ZNF451: variants seen among roughly 807,000 people sequenced by gnomAD.
ZNF451 encodes the protein E3 SUMO-protein ligase ZNF451.
ZNF451 carries 80 observed loss-of-function variants against 107.1 expected under a neutral mutation model. That is an observed-to-expected ratio of 0.75 (90% CI 0.62 to 0.90). ZNF451 has a LOEUF of 0.90. Among genes scored for constraint, ZNF451 ranks in the 40% least tolerant of loss-of-function variants. The pLI, the probability that ZNF451 is intolerant of heterozygous loss-of-function variation, is 0.00. For synonymous variants in ZNF451, 362 were observed against 406.5 expected (o/e 0.89, Z 1.32); for missense variants, 1,107 against 1,236.2 (o/e 0.90, Z 1.57).
At chr6:57,112,908 A>T (rs1193715360) in intron 3 of ZNF451, among the ~76,000 whole-genome samples, 5 of 152,196 alleles carry the variant, frequency 3.3e-5, no homozygotes, top group East Asian at 3.8e-4. Flanking sequence ...TCATTTCTTT[A>T]TCATTAAAAA....
chr6:57,107,559 A>G, intron 3 of ZNF451: 1 of 984,902 alleles, frequency 1.0e-6, no homozygotes, highest in Non-Finnish European at 1.2e-6. Flanking sequence ...GTATCTTATA[A>G]AAATTTTGAA....
intron 7 of ZNF451, among the ~76,000 whole-genome samples, chr6:57,139,519 C>G (rs897903664): frequency 6.6e-6 from 1 of 152,046 alleles, no homozygotes; most frequent in Non-Finnish European, 1.5e-5. Context: ...ACTGATGGTT[C>G]TAGTGTTAAT....
intron 2 of ZNF451, chr6:57,092,901 CCT>C (rs1174601446): frequency 1.3e-5 from 2 of 151,784 alleles, no homozygotes; most frequent in African/African-American, 2.4e-5. Context: ...AAAAATGGGC[CCT>C]CTCATTTAAA....
chr6:57,160,657 G>A (rs1238115523), intron 13 of ZNF451, among the ~76,000 whole-genome samples: 1 of 152,022 alleles, frequency 6.6e-6, no homozygotes, highest in East Asian at 1.9e-4. Flanking sequence ...TTCTACCCCA[G>A]GACCTCTTGG....
rs1463852285 is a variant in ZNF451, at chr6:57,142,017, A to G, written c.926A>G (p.Lys309Arg). The change falls in exon 9 of 15, where the codon AAA becomes AGA. Residue 309 changes from lysine to arginine, a missense_variant. Around this residue, in one of 5 missense-constraint regions of ZNF451, gnomAD observed 339 missense variants for 372.8 expected, o/e 0.91. Transcript: ENST00000370706. ...FAKKLLISLC[K>R]DVPFQVKCVA... ...AAGAAACTTTTGATCTCTCTGTGCA[A>G]AGATGTTCCCTTTCAAGTTAAGTGT... 6.2e-7 allele frequency: 1 copy of G among 1,614,140 alleles called. No individual in the cohort carries two copies. Among genetic ancestry groups the G allele is most frequent in the Admixed American group, 1.7e-5 (1 of 60,024 alleles).
At chr6:57,154,386 G>A (rs7771328) in intron 13 of ZNF451, 41,236 of 430,912 alleles carry the variant, frequency 0.096, 2,419 homozygotes, top group African/African-American at 0.18. Context: ...GAAATTCCAA[G>A]TTGACCTTCA....
At chr6:57,142,119 A>G (rs770449040) in intron 9 of ZNF451, 24 bp downstream of exon 9, 1 of 1,584,336 alleles carries the variant, frequency 6.3e-7, no homozygotes, top group East Asian at 2.3e-5. Context: ...TGGAGCTGTA[A>G]AGGAATACGG....
chr6:57,129,787 C>T (rs1274756411), intron 5 of ZNF451, among the ~76,000 whole-genome samples: 2 of 152,126 alleles, frequency 1.3e-5, no homozygotes, highest in African/African-American at 4.8e-5. Flanking sequence ...GCAAACTCCC[C>T]TCCTGCCCCC....
intron 14 of ZNF451, chr6:57,165,367 T>C (rs1475998616): frequency 6.6e-6 from 1 of 152,178 alleles, no homozygotes; most frequent in East Asian, 1.9e-4. Context: ...GTTAGTTCAC[T>C]TGATGATGTC....
intron 13 of ZNF451, 172 bp downstream of exon 13, chr6:57,154,219 G>C: frequency 3.0e-6 from 2 of 661,628 alleles, no homozygotes; most frequent in Non-Finnish European, 5.1e-6. Flanking sequence ...TCATTCTTTA[G>C]TGTTTTAGAA....
At chr6:57,151,371 TAAAAAAAAAAA>T (rs59458185) in intron 11 of ZNF451, 1 of 79,130 alleles carries the variant, frequency 1.3e-5, no homozygotes, top group Non-Finnish European at 2.4e-5. Context: ...GACTCTGTCT[TAAAAAAAAAAA>T]AAAAAAAAAA....
chr6:57,101,284 G>A (rs1449618731), intron 3 of ZNF451: 6 of 1,550,818 alleles, frequency 3.9e-6, no homozygotes, highest in African/African-American at 2.7e-5. Flanking sequence ...ACCTGATTGT[G>A]TGACTTCTAA....
intron 14 of ZNF451, among the ~76,000 whole-genome samples, chr6:57,164,153 T>C (rs1334712102): frequency 6.6e-6 from 1 of 152,192 alleles, no homozygotes; most frequent in Non-Finnish European, 1.5e-5. Flanking sequence ...TCCCATATAA[T>C]CTAGTTCCTT....
Position 57,093,990 on chromosome 6 carries a change from G to A in ZNF451, c.105+3096G>A, listed in dbSNP as rs574605163. On this transcript the variant is annotated intron_variant, in intron 2 of 14. Transcript: ENST00000370706. ...TGGGGGGAAAAATGAATTATTTAGG[G>A]TTTCAGATTTATGCTCAAATCCATA... Among the ~76,000 whole-genome samples, 5 of 152,280 alleles carry A rather than the reference G, an allele frequency of 3.3e-5. No individual in the cohort carries two copies. The East Asian group carries it at 7.7e-4, about 23-fold the overall frequency.
At chr6:57,167,926 T>C (rs1404534334) in intron 14 of ZNF451, among the ~76,000 whole-genome samples, 1 of 152,250 alleles carries the variant, frequency 6.6e-6, no homozygotes, top group African/African-American at 2.4e-5. Context: ...TATGTGGCTA[T>C]GAGTTTCACT....
In ZNF451 at chr6:57,148,373, A is replaced by C. The variant is rs573417881; in HGVS notation, c.2288A>C (p.Gln763Pro). Residue 763 changes from glutamine to proline, a missense_variant, in exon 10 of 15, where the codon CAG becomes CCG. Around this residue, in one of 5 missense-constraint regions of ZNF451, gnomAD observed 608 missense variants for 649.2 expected, o/e 0.94. Coordinates refer to ENST00000370706, the MANE Select transcript of ZNF451 (RefSeq NM_001031623.3). Reference protein sequence around the residue: ...FRCSLCSATAQNLTDMNTHIH... With the variant: ...FRCSLCSATAPNLTDMNTHIH... The stretch of plus-strand genomic sequence containing the variant: ...TGCAGTTTATGTTCGGCAACAGCAC[A>C]GAATTTAACCGACATGAACACTCAT... The C allele has an allele frequency of 2.5e-6, 4 of 1,614,006 alleles. No individual in the cohort carries two copies. In the African/African-American group the frequency reaches 5.3e-5, roughly 22 times the overall value.
chr6:57,093,681 TTAGTAG>T (rs1829156391), intron 2 of ZNF451, among the ~76,000 whole-genome samples: 2 of 152,150 alleles, frequency 1.3e-5, no homozygotes, highest in South Asian at 4.1e-4. Context: ...ATAGTAGTAG[TTAGTAG>T]TAGTAATAAG....
chr6:57,155,745 G>A (rs1278939233), intron 13 of ZNF451, among the ~76,000 whole-genome samples: 3 of 151,270 alleles, frequency 2.0e-5, no homozygotes, highest in African/African-American at 7.3e-5. Context: ...GTATATTACA[G>A]TTGGAGGTAA....
At chr6:57,163,066 T>C (rs1025982096) in intron 14 of ZNF451, among the ~76,000 whole-genome samples, 21 of 152,202 alleles carry the variant, frequency 1.4e-4, no homozygotes, top group African/African-American at 4.6e-4. Context: ...GGTGGTTCAC[T>C]TAAGTTAAGG....
Sources: allele counts gnomAD v4.1 joint callset (sites outside exome capture counted in the v4.1 genomes callset), GRCh38; gene constraint gnomAD v4.1.1; regional missense constraint gnomAD v4.1.1; transcripts MANE v1.5; gene names NCBI Gene and HGNC (gene_info 2026-07-23, HGNC 2026-07-21).